The following GLYATL3 variants were observed in gnomAD, a reference collection of about 807,000 sequenced individuals.
GLYATL3 encodes glycine-N-acyltransferase like 3, also known as glycine N-acyltransferase-like protein 3.
In GLYATL3, 31 loss-of-function variants were observed where a neutral mutation model predicts 28.5. The observed-to-expected ratio is 1.09, with a 90% CI of 0.82 to 1.47. The LOEUF (loss-of-function observed/expected upper bound fraction) is 1.47. GLYATL3 is among the 40% of genes most tolerant of loss of function. GLYATL3 has a pLI of 0.00. For synonymous variants in GLYATL3, 141 were observed against 140.2 expected (o/e 1.01, Z -0.04); for missense variants, 369 against 351.5 (o/e 1.05, Z -0.40).
At chr6:49,500,910 A>C (rs1768901325) in intron 1 of GLYATL3, among the ~76,000 whole-genome samples, 1 of 152,234 alleles carries the variant, frequency 6.6e-6, no homozygotes, top group Admixed American at 6.5e-5. Context: ...ATTTCTATTT[A>C]ATGAAAGATC....
chr6:49,518,659 A>G (rs894331186), intron 4 of GLYATL3, among the ~76,000 whole-genome samples: 9 of 152,138 alleles, frequency 5.9e-5, no homozygotes, highest in African/African-American at 1.9e-4. Flanking sequence ...ATTTATTCGT[A>G]GTCAGGTGCG....
At chr6:49,526,142 A>T (rs1769407099) in intron 5 of GLYATL3, among the ~76,000 whole-genome samples, 1 of 152,126 alleles carries the variant, frequency 6.6e-6, no homozygotes, top group African/African-American at 2.4e-5. Flanking sequence ...TAGGTCGGGC[A>T]TGGTGGCTCA....
In GLYATL3 at chr6:49,516,934, G is replaced by C. The variant is rs149225457; in HGVS notation, c.187-496G>C. Among the ~76,000 whole-genome samples the C allele has an allele frequency of 2.3e-3, 349 of 151,828 alleles. 1 individual carries two copies. Among genetic ancestry groups the C allele is most frequent in the African/African-American group, 8.3e-3 (342 of 41,448 alleles). ...ACACTTTGGGAGGCCTAGGCGGGCG[G>C]ATCATGAGGTCAGGAGATCAAGACC... On this transcript the variant is annotated intron_variant, in intron 3 of 5. Coordinates refer to ENST00000371197, the MANE Select transcript of GLYATL3 (RefSeq NM_001010904.2).
At chr6:49,507,876 G>T (rs1012021917) in intron 1 of GLYATL3, among the ~76,000 whole-genome samples, 3 of 152,178 alleles carry the variant, frequency 2.0e-5, no homozygotes, top group African/African-American at 7.2e-5. Context: ...TTTAGTGAGG[G>T]CGGGGGTAGG....
At chr6:49,512,895 T>C (rs1470311821) in intron 2 of GLYATL3, among the ~76,000 whole-genome samples, 1 of 152,200 alleles carries the variant, frequency 6.6e-6, no homozygotes, top group Admixed American at 6.5e-5. Context: ...AATCTGGCCA[T>C]CTTGCCTTAT....
At position 49,512,058 on chromosome 6, in the gene GLYATL3, A is replaced by C. The variant is rs1363250716; in HGVS notation, c.68A>C (p.Glu23Ala). The C allele has an allele frequency of 1.5e-6, 2 of 1,339,692 alleles. No individual in the cohort carries two copies. The highest frequency in any genetic ancestry group is 2.6e-5 in the South Asian group (2 of 77,558). 83.0% of individuals were successfully genotyped at this position (1,339,692 alleles called of 1,614,324 possible). ...AAAATGTTGAAGAGTTGCTTTCCTGAATCACTCAAGGTACCATAAAATTAA... is the reference window on the plus strand; with the variant it reads ...AAAATGTTGAAGAGTTGCTTTCCTGCATCACTCAAGGTACCATAAAATTAA... Reference protein sequence around the residue: ...LEKMLKSCFPESLKVYGAVMN... With the variant: ...LEKMLKSCFPASLKVYGAVMN... Residue 23 changes from glutamate (E) to alanine (A), a missense_variant, in exon 2 of 6, where the codon GAA (glutamate) becomes GCA (alanine). Transcript: ENST00000371197.
chr6:49,520,641 G>A (rs904710729), intron 4 of GLYATL3, among the ~76,000 whole-genome samples: 2 of 152,142 alleles, frequency 1.3e-5, no homozygotes, highest in African/African-American at 4.8e-5. Context: ...CAATCCAACA[G>A]GACACAGGCT....
intron 1 of GLYATL3, among the ~76,000 whole-genome samples, chr6:49,511,164 T>C (rs1341985117): frequency 1.3e-5 from 2 of 152,192 alleles, no homozygotes; most frequent in African/African-American, 2.4e-5. Context: ...AGGAAATATT[T>C]TTTTTCTTTA....
chr6:49,501,104 A>C (rs1290723019), intron 1 of GLYATL3, among the ~76,000 whole-genome samples: 1 of 152,168 alleles, frequency 6.6e-6, no homozygotes, highest in East Asian at 1.9e-4. Flanking sequence ...AGGTTTTGCT[A>C]TTAAGAAGCT....
In GLYATL3 at chr6:49,527,172, G is replaced by A. The variant is rs1769437328; in HGVS notation, c.*258G>A. The A allele has an allele frequency of 2.4e-6, 1 of 420,326 alleles. No individual in the cohort carries two copies. The highest frequency in any genetic ancestry group is 4.0e-5 in the Admixed American group (1 of 25,312). 26.0% of individuals were successfully genotyped at this position (420,326 alleles called of 1,614,324 possible). A position where few individuals can be genotyped will look rare whatever the true frequency, so the allele number is the denominator to read the frequency against. On this transcript the variant is annotated 3_prime_UTR_variant, in exon 6 of 6. Transcript: ENST00000371197. Reference sequence around the variant, plus strand: ...TCCTCCTGTAGGATCCACTGTAGGAGAATAGGTTCTAAAGCCAGCAGTTTT... The same window carrying A: ...TCCTCCTGTAGGATCCACTGTAGGAAAATAGGTTCTAAAGCCAGCAGTTTT...
chr6:49,507,221 G>A (rs983933663), intron 1 of GLYATL3, among the ~76,000 whole-genome samples: 13 of 152,110 alleles, frequency 8.5e-5, no homozygotes, highest in African/African-American at 2.7e-4. Flanking sequence ...ACGTTAACTT[G>A]TGGCAGTTGA....
rs913731208 is a variant in GLYATL3, at chr6:49,512,218, G to T, written c.78+150G>T. The T allele has an allele frequency of 9.6e-6, 4 of 416,902 alleles. No individual in the cohort carries two copies. In the Admixed American group the frequency reaches 1.3e-4, roughly 13 times the overall value. 25.8% of individuals were successfully genotyped at this position (416,902 alleles called of 1,614,324 possible). A position where few individuals can be genotyped will look rare whatever the true frequency, so the allele number is the denominator to read the frequency against. ...ACAGCTTCCCAGCTCCCTCCTGCTA[G>T]AGACAGATTGAATAGACTGTGGATA... On this transcript the variant is annotated intron_variant, in intron 2 of 5. Transcript: ENST00000371197.
intron 2 of GLYATL3, 55 bp from the exon 3 acceptor site, chr6:49,515,598 T>C: frequency 1.0e-6 from 1 of 972,480 alleles, no homozygotes; most frequent in South Asian, 1.4e-5. Context: ...GACGATAATA[T>C]GTGAGTGAAA....
chr6:49,504,518 C>T (rs548106104), intron 1 of GLYATL3, among the ~76,000 whole-genome samples: 4 of 152,118 alleles, frequency 2.6e-5, no homozygotes, highest in Admixed American at 1.3e-4. Context: ...AAATGTTTTT[C>T]GGCAGCAGTA....
chr6:49,504,986 C>A (rs1768984540), intron 1 of GLYATL3, among the ~76,000 whole-genome samples: 1 of 152,144 alleles, frequency 6.6e-6, no homozygotes, highest in African/African-American at 2.4e-5. Flanking sequence ...CGGGGATTAA[C>A]TCCGAGAGAT....
intron 1 of GLYATL3, among the ~76,000 whole-genome samples, chr6:49,502,615 T>G (rs568281348): frequency 3.8e-4 from 58 of 152,198 alleles, no homozygotes; most frequent in Non-Finnish European, 5.4e-4. Flanking sequence ...ATTAATTTGA[T>G]TGGCCAATTT....
At chr6:49,514,786 T>G (rs1769183683) in intron 2 of GLYATL3, among the ~76,000 whole-genome samples, 1 of 152,074 alleles carries the variant, frequency 6.6e-6, no homozygotes, top group Admixed American at 6.6e-5. Context: ...TGAGCAGAGA[T>G]AGCGCCACTG....
At chr6:49,516,418 T>C (rs1392099124) in intron 3 of GLYATL3, among the ~76,000 whole-genome samples, 1 of 152,086 alleles carries the variant, frequency 6.6e-6, no homozygotes, top group African/African-American at 2.4e-5. Context: ...TGATTCCTTA[T>C]GACTGATGAC....
At chr6:49,505,047 T>A (rs1018073620) in intron 1 of GLYATL3, among the ~76,000 whole-genome samples, 3 of 152,164 alleles carry the variant, frequency 2.0e-5, no homozygotes, top group African/African-American at 4.8e-5. Flanking sequence ...GTACAATTTG[T>A]TTAGCTTTTT....
Sources: gnomAD v4.1 joint callset for allele counts (sites outside exome capture counted in the v4.1 genomes callset) on GRCh38, gnomAD v4.1.1 for gene constraint, MANE v1.5 for transcripts, NCBI Gene and HGNC (gene_info 2026-07-23, HGNC 2026-07-21) for gene names.